The following NALF1 variants were observed in gnomAD, a reference collection of about 807,000 sequenced individuals.
NALF1 encodes the protein NALCN channel auxiliary factor 1.
In NALF1, 3 loss-of-function variants were observed where a neutral mutation model predicts 48.4. The ratio of observed to expected loss-of-function variants is 0.06; its 90% CI spans 0.03 to 0.16. The LOEUF is 0.16. Among genes scored for constraint, NALF1 ranks in the 10% least tolerant of loss-of-function variants. The pLI, the probability that NALF1 is intolerant of heterozygous loss-of-function variation, is 1.00. For synonymous variants in NALF1, 262 were observed against 245.7 expected, an observed-to-expected ratio of 1.07 and a Z score of -0.62; for missense variants, 526 against 571.5, an observed-to-expected ratio of 0.92 and a Z score of 0.81.
intron 1 of NALF1, among the ~76,000 whole-genome samples, chr13:107,838,552 G>T (rs1011989383): frequency 1.3e-5 from 2 of 152,128 alleles, no homozygotes; most frequent in African/African-American, 4.8e-5. Context: ...CAGGTAACTG[G>T]CAGGAGGCAT....
intron 2 of NALF1, among the ~76,000 whole-genome samples, chr13:107,195,050 CA>C (rs749047287): frequency 6.6e-6 from 1 of 152,106 alleles, no homozygotes; most frequent in Non-Finnish European, 1.5e-5. Context: ...TGGCCATATT[CA>C]AAAAGTCAAA....
chr13:107,755,958 C>G (rs979722622), intron 1 of NALF1, among the ~76,000 whole-genome samples: 14 of 152,126 alleles, frequency 9.2e-5, no homozygotes, highest in African/African-American at 3.4e-4. Context: ...ACTAATGACA[C>G]AGAGGTCACT....
At chr13:107,481,175 T>C (rs1477559474) in intron 1 of NALF1, among the ~76,000 whole-genome samples, 3 of 152,170 alleles carry the variant, frequency 2.0e-5, no homozygotes, top group African/African-American at 4.8e-5. Flanking sequence ...ACTGGATTGA[T>C]TGCTGAGAGC....
intron 1 of NALF1, among the ~76,000 whole-genome samples, chr13:107,643,683 A>C (rs531055856): frequency 6.6e-6 from 1 of 152,114 alleles, no homozygotes; most frequent in Non-Finnish European, 1.5e-5. Context: ...GAGTCTTTAC[A>C]TGTTACTTTT....
intron 1 of NALF1, among the ~76,000 whole-genome samples, chr13:107,614,560 G>A (rs143212786): frequency 1.3e-5 from 2 of 152,210 alleles, no homozygotes; most frequent in East Asian, 3.9e-4. Flanking sequence ...AAAGTCCTTA[G>A]AACATTATAA....
intron 1 of NALF1, among the ~76,000 whole-genome samples, chr13:107,481,383 AAT>A (rs560580628): frequency 1.2e-3 from 181 of 152,316 alleles, no homozygotes; most frequent in African/African-American, 4.2e-3. Context: ...CAAGTGACTT[AAT>A]AGTCTAAAAT....
At chr13:107,329,477 T>C (rs775327746) in intron 1 of NALF1, among the ~76,000 whole-genome samples, 1 of 151,962 alleles carries the variant, frequency 6.6e-6, no homozygotes, top group Non-Finnish European at 1.5e-5. Flanking sequence ...TGGGAATACC[T>C]GGCTTCACTC....
intron 1 of NALF1, among the ~76,000 whole-genome samples, chr13:107,739,067 A>G (rs1397925216): frequency 6.6e-6 from 1 of 152,128 alleles, no homozygotes; most frequent in Non-Finnish European, 1.5e-5. Context: ...GGGACAGAAA[A>G]CCAAACACCG....
rs188585616 is a variant in NALF1 at position 107,351,600 on chromosome 13, C to T, written c.916-140845G>A. Among the ~76,000 whole-genome samples the T allele has an allele frequency of 3.9e-4, 59 of 152,352 alleles. 1 individual carries two copies. The highest frequency in any genetic ancestry group is 3.9e-3 in the Admixed American group (59 of 15,296). On this transcript the variant is annotated intron_variant, in intron 1 of 2. Coordinates refer to ENST00000375915, the MANE Select transcript of NALF1 (RefSeq NM_001080396.3). Reference sequence around the variant, plus strand: ...CCTCTGGAACCAATGAACTCTGTTTCTAAGCAGCTTATGCAAATCTCTCCC... The same window carrying T: ...CCTCTGGAACCAATGAACTCTGTTTTTAAGCAGCTTATGCAAATCTCTCCC...
At chr13:107,844,158 C>T (rs1880111683) in intron 1 of NALF1, among the ~76,000 whole-genome samples, 1 of 152,096 alleles carries the variant, frequency 6.6e-6, no homozygotes, top group African/African-American at 2.4e-5. Flanking sequence ...AATAACTTAA[C>T]ATTCCCTTTC....
intron 1 of NALF1, among the ~76,000 whole-genome samples, chr13:107,539,325 T>C (rs1876932543): frequency 1.3e-5 from 2 of 152,012 alleles, no homozygotes; most frequent in Admixed American, 1.3e-4. Flanking sequence ...AGAAGCATAC[T>C]CACTTTTACA....
intron 1 of NALF1, among the ~76,000 whole-genome samples, chr13:107,214,780 G>T (rs567510107): frequency 4.0e-4 from 61 of 152,248 alleles, no homozygotes; most frequent in African/African-American, 1.4e-3. Context: ...TGGTCCAAAT[G>T]ACAGCATCAT....
chr13:107,352,228 C>T (rs775802988), intron 1 of NALF1, among the ~76,000 whole-genome samples: 8 of 152,026 alleles, frequency 5.3e-5, no homozygotes, highest in Non-Finnish European at 1.0e-4. Context: ...GAAGGAAAGT[C>T]TAATGGTAGT....
At chr13:107,220,625 C>A (rs1879972266) in intron 1 of NALF1, among the ~76,000 whole-genome samples, 3 of 152,100 alleles carry the variant, frequency 2.0e-5, no homozygotes, top group Admixed American at 2.0e-4. Context: ...AGGTGTAGGG[C>A]AGGTTAAAAA....
intron 2 of NALF1, among the ~76,000 whole-genome samples, chr13:107,196,985 A>G (rs1879404650): frequency 6.6e-6 from 1 of 152,144 alleles, no homozygotes; most frequent in African/African-American, 2.4e-5. Flanking sequence ...TCAAATTTAT[A>G]TGTTGATTGG....
At chr13:107,480,634 A>T (rs940489775) in intron 1 of NALF1, among the ~76,000 whole-genome samples, 4 of 152,140 alleles carry the variant, frequency 2.6e-5, no homozygotes, top group African/African-American at 9.7e-5. Flanking sequence ...AAGTTTACAA[A>T]TTTGTGTTGG....
At chr13:107,736,354 T>C (rs945804162) in intron 1 of NALF1, among the ~76,000 whole-genome samples, 2 of 151,974 alleles carry the variant, frequency 1.3e-5, no homozygotes, top group Non-Finnish European at 2.9e-5. Context: ...CTTGTTGGAG[T>C]TTGCTTGTTG....
intron 1 of NALF1, among the ~76,000 whole-genome samples, chr13:107,560,636 A>G (rs991370841): frequency 1.3e-5 from 2 of 152,156 alleles, no homozygotes. Flanking sequence ...CTTTCTGCTC[A>G]TGTGTTTATC....
At chr13:107,288,276 G>T (rs1261823749) in intron 1 of NALF1, among the ~76,000 whole-genome samples, 2 of 142,828 alleles carry the variant, frequency 1.4e-5, no homozygotes, top group African/African-American at 2.6e-5. Flanking sequence ...CTGGAGGGCA[G>T]TGGCGCGATC....
Sources: allele counts gnomAD v4.1 joint callset (sites outside exome capture counted in the v4.1 genomes callset), GRCh38; gene constraint gnomAD v4.1.1; transcripts MANE v1.5; gene names NCBI Gene and HGNC (gene_info 2026-07-23, HGNC 2026-07-21).